The following NRXN1 variants were observed in gnomAD, a reference collection of about 807,000 sequenced individuals.
NRXN1 encodes the protein neurexin 1.
NRXN1 carries 39 observed loss-of-function variants against 150.9 expected under a neutral mutation model. The observed-to-expected ratio is 0.26, with a 90% CI of 0.20 to 0.34. NRXN1 has a LOEUF of 0.34. Ranked by LOEUF, NRXN1 falls within the 10% of genes least tolerant of loss-of-function variation. The pLI is 1.00. For missense variants in NRXN1, 1,815 were observed against 1,949.9 expected (o/e 0.93, Z 1.30); for synonymous variants, 924 against 757.0 (o/e 1.22, Z -3.62).
At chr2:50,791,115 C>A (rs1574487050) in intron 5 of NRXN1, among the ~76,000 whole-genome samples, 4 of 139,498 alleles carry the variant, frequency 2.9e-5, no homozygotes, top group East Asian at 2.2e-4. Flanking sequence ...TAAGTAAATG[C>A]AATCAAAATG....
At chr2:50,909,368 T>A (rs1203318555) in intron 5 of NRXN1, among the ~76,000 whole-genome samples, 1 of 152,102 alleles carries the variant, frequency 6.6e-6, no homozygotes, top group Admixed American at 6.6e-5. Flanking sequence ...TTTGTTTGAA[T>A]AGGCATTTGG....
At chr2:50,754,049 C>T (rs1700915069) in intron 5 of NRXN1, among the ~76,000 whole-genome samples, 1 of 150,248 alleles carries the variant, frequency 6.7e-6, no homozygotes, top group Admixed American at 6.7e-5. Flanking sequence ...TATGGCTCTG[C>T]CAAAAATATT....
At chr2:50,582,387 G>A (rs969960431) in intron 8 of NRXN1, among the ~76,000 whole-genome samples, 1 of 150,114 alleles carries the variant, frequency 6.7e-6, no homozygotes, top group Non-Finnish European at 1.5e-5. Flanking sequence ...AGGCTGATGT[G>A]GGAGGTTCGC....
chr2:50,041,740 A>G (rs1573566451), intron 21 of NRXN1, among the ~76,000 whole-genome samples: 1 of 152,236 alleles, frequency 6.6e-6, no homozygotes, highest in East Asian at 1.9e-4. Flanking sequence ...GCTTTTTATT[A>G]TTAGAGTGTG....
intron 21 of NRXN1, among the ~76,000 whole-genome samples, chr2:50,009,481 A>T (rs10196324): frequency 0.36 from 55,433 of 152,088 alleles, 10,561 homozygotes; most frequent in East Asian, 0.49. Context: ...AATGAATTTC[A>T]GAGCAAATAC....
intron 8 of NRXN1, among the ~76,000 whole-genome samples, chr2:50,587,809 A>T (rs1376748495): frequency 1.3e-5 from 2 of 152,290 alleles, no homozygotes; most frequent in Non-Finnish European, 2.9e-5. Flanking sequence ...GGGTTTGTGA[A>T]AAAAAGCTTG....
intron 17 of NRXN1, among the ~76,000 whole-genome samples, chr2:50,370,255 T>G (rs1572709946): frequency 6.6e-6 from 1 of 152,006 alleles, no homozygotes; most frequent in Non-Finnish European, 1.5e-5. Flanking sequence ...TTTTTCTTCT[T>G]CCCAAAATGC....
At chr2:50,881,154 G>C (rs1287972043) in intron 5 of NRXN1, among the ~76,000 whole-genome samples, 2 of 151,922 alleles carry the variant, frequency 1.3e-5, no homozygotes, top group Non-Finnish European at 2.9e-5. Flanking sequence ...GATGTGCAAT[G>C]TAAGAGTCCT....
chr2:50,613,154 A>C (rs1383151658), intron 8 of NRXN1, among the ~76,000 whole-genome samples: 1 of 152,188 alleles, frequency 6.6e-6, no homozygotes, highest in Non-Finnish European at 1.5e-5. Context: ...AGGTAGAAAA[A>C]AAATTTCTTT....
intron 18 of NRXN1, among the ~76,000 whole-genome samples, chr2:50,208,758 T>C (rs1415477180): frequency 6.6e-6 from 1 of 152,086 alleles, no homozygotes; most frequent in East Asian, 1.9e-4. Flanking sequence ...CACTTGAAAA[T>C]AACACGAGTC....
intron 5 of NRXN1, among the ~76,000 whole-genome samples, chr2:50,686,665 A>C (rs1691274904): frequency 6.6e-6 from 1 of 152,212 alleles, no homozygotes; most frequent in Non-Finnish European, 1.5e-5. Flanking sequence ...ATTTCTTAGA[A>C]AGAACCTTGA....
At chr2:50,199,149 C>T (rs1009322693) in intron 18 of NRXN1, 1 of 152,100 alleles carries the variant, frequency 6.6e-6, no homozygotes, top group Non-Finnish European at 1.5e-5. Context: ...TTTGAAAGGA[C>T]AATTTTATTT....
chr2:50,059,925 A>C (rs1462144856), intron 19 of NRXN1, among the ~76,000 whole-genome samples: 2 of 152,362 alleles, frequency 1.3e-5, no homozygotes, highest in East Asian at 1.9e-4. Flanking sequence ...CTGCAGGGAC[A>C]GAACCCTCAT....
intron 2 of NRXN1, among the ~76,000 whole-genome samples, chr2:50,989,653 T>C (rs1272983807): frequency 1.3e-5 from 2 of 152,038 alleles, no homozygotes; most frequent in Admixed American, 6.6e-5. Flanking sequence ...TACTGTTGAA[T>C]ACATAAATTG....
rs576376400 is a variant in NRXN1, at chr2:50,216,526, A to C, written c.3546+20263T>G. ...AACCACTTTTAATTTTCATTACACC[A>C]AATGAAGAGATTCTACAAGATCTAC... On this transcript the variant is annotated intron_variant, in intron 18 of 22. Transcript: ENST00000401669. 2.7e-3 allele frequency among the ~76,000 whole-genome samples: 405 copies of C among 152,164 alleles called. 2 individuals are homozygous for C. The highest frequency in any genetic ancestry group is 9.5e-3 in the African/African-American group (396 of 41,546).
intron 18 of NRXN1, chr2:50,185,634 G>C (rs79364044): frequency 6.6e-6 from 1 of 152,088 alleles, no homozygotes; most frequent in African/African-American, 2.4e-5. Flanking sequence ...TCTGGATGCA[G>C]TGAAAGACTC....
chr2:50,120,413 A>T (rs1387987035), intron 18 of NRXN1, among the ~76,000 whole-genome samples: 2 of 152,184 alleles, frequency 1.3e-5, no homozygotes, highest in African/African-American at 4.8e-5. Context: ...CAGAAACAAG[A>T]TATTTGCAAA....
In NRXN1 at chr2:50,154,971, A is replaced by C. The variant is rs1039620726; in HGVS notation, c.3547-63477T>G. On this transcript the variant is annotated intron_variant, in intron 18 of 22. Coordinates refer to ENST00000401669, the MANE Select transcript of NRXN1 (RefSeq NM_001330078.2). ...AAACAACCTTAACTTAAAATGAAAA[A>C]ATTGAATAAAAGTATAAAATCATTC... is the stretch of plus-strand genomic sequence containing the variant. 1.4e-4 allele frequency among the ~76,000 whole-genome samples: 21 copies of C among 151,762 alleles called. No homozygotes were observed. In the East Asian group the frequency reaches 1.7e-3, roughly 13 times the overall value.
At chr2:50,708,121 C>T (rs1694688881) in intron 5 of NRXN1, among the ~76,000 whole-genome samples, 1 of 152,034 alleles carries the variant, frequency 6.6e-6, no homozygotes, top group African/African-American at 2.4e-5. Flanking sequence ...CCTAAGCTGG[C>T]CAACACTCAA....
Sources: allele counts gnomAD v4.1 joint callset (sites outside exome capture counted in the v4.1 genomes callset), GRCh38; gene constraint gnomAD v4.1.1; transcripts MANE v1.5; gene names NCBI Gene and HGNC (gene_info 2026-07-23, HGNC 2026-07-21).